RYR1: variants seen among roughly 807,000 people sequenced by gnomAD.
RYR1 encodes the protein central core disease of muscle.
RYR1 carries 342 observed loss-of-function variants against 583.5 expected under a neutral mutation model. The ratio of observed to expected loss-of-function variants is 0.59; its 90% confidence interval spans 0.54 to 0.64. The LOEUF (loss-of-function observed/expected upper bound fraction) is 0.64, where lower values mean the gene tolerates loss of function less well. RYR1 is among the 30% of genes least tolerant of loss of function. The probability of loss-of-function intolerance (pLI) is 0.00; values close to 1 mark genes in which losing one functional copy is unlikely to be tolerated. For synonymous variants in RYR1, 2,791 were observed against 2,822.5 expected, an observed-to-expected ratio of 0.99 and a Z score of 0.35; for missense variants, 6,032 against 6,917.2, an observed-to-expected ratio of 0.87 and a Z score of 4.54.
intron 90 of RYR1, among the ~76,000 whole-genome samples, chr19:38,564,017 A>G (rs1266453893): frequency 1.3e-5 from 2 of 152,228 alleles, no homozygotes; most frequent in African/African-American, 2.4e-5. Context: ...TTATTGAAGC[A>G]TTTACAGGAG....
chr19:38,528,312 C>G lies in RYR1; in HGVS notation c.10831C>G (p.His3611Asp). The G allele has an allele frequency of 3.1e-6, 5 of 1,614,058 alleles. No individual in the cohort carries two copies. The highest frequency in any genetic ancestry group is 4.2e-6 in the Non-Finnish European group (5 of 1,179,950). ...AVLYYLDQTEHPYKSKKAVWH... is the reference protein window; with the variant it reads ...AVLYYLDQTEDPYKSKKAVWH... ...CCTGCTATCCCCTCCCCAGACCGAG[C>G]ACCCTTACAAGTCTAAGAAGGCCGT... The change falls in exon 74 of 106, where the codon CAC becomes GAC. Residue 3611 changes from histidine (H) to aspartate (D), a missense_variant. His to Asp is a moderately conservative substitution (Grantham distance 81, BLOSUM62 -1). Around this residue, in one of 11 missense-constraint regions of RYR1, gnomAD observed 1,493 missense variants for 1,715.5 expected, o/e 0.87. Coordinates refer to ENST00000359596, the MANE Select transcript of RYR1 (RefSeq NM_000540.3).
At chr19:38,462,541 T>C (rs1413599357) in intron 20 of RYR1, among the ~76,000 whole-genome samples, 1 of 151,286 alleles carries the variant, frequency 6.6e-6, no homozygotes, top group Non-Finnish European at 1.5e-5. Context: ...GTCCAAACCA[T>C]CATTGCCTCT....
rs778400894 is a variant in RYR1, at chr19:38,466,210, G to A, written c.2990G>A (p.Arg997Gln). 22 of 1,613,312 alleles carry A rather than the reference G, an allele frequency of 1.4e-5. No individual in the cohort carries two copies. The highest frequency in any genetic ancestry group is 1.3e-4 in the East Asian group (6 of 44,888). ...LAENGHNVWA[R>Q]DRVGQGWSYS... The stretch of plus-strand genomic sequence containing the variant: ...GAAAATGGGCACAACGTGTGGGCCC[G>A]AGACCGCGTGGGCCAGGGCTGGAGC... The change falls in exon 24 of 106, where the codon CGA (arginine) becomes CAA (glutamine). Residue 997 changes from arginine (R) to glutamine (Q), a missense_variant. By Grantham distance (43) the Arg-to-Gln change is conservative. This residue lies in a region of RYR1 where 2,627 missense variants were observed against 2,961.3 expected (regional missense o/e 0.89). Transcript: ENST00000359596.
At position 38,565,137 on chromosome 19, in the gene RYR1, CGGAGGCGGGCGCGGAAGGCGCGGA is replaced by C. The variant is rs1428548083; in HGVS notation, c.12809_12832del (p.Ala4270_Glu4277del). The C allele has an allele frequency of 6.6e-7, 1 of 1,524,730 alleles. No individual in the cohort carries two copies. The highest frequency in any genetic ancestry group is 8.8e-7 in the Non-Finnish European group (1 of 1,139,890). 94.5% of individuals were successfully genotyped at this position (1,524,730 alleles called of 1,614,324 possible). On this transcript the variant is annotated inframe_deletion, in exon 91 of 106. Transcript: ENST00000359596. The surrounding 1 kb of genome is among the most constrained non-coding windows in gnomAD (Gnocchi z 4.7). ...GACGAGGACGAGGGCGCGGGCGCGG[CGGAGGCGGGCGCGGAAGGCGCGGA>C]GGAGGGCGCGGCGGGGCTCGAGGGC...
chr19:38,587,562 G>A lies in RYR1; in HGVS notation c.*142G>A. 1 of 771,158 alleles carries A rather than the reference G, an allele frequency of 1.3e-6. No individual in the cohort carries two copies. Among genetic ancestry groups the A allele is most frequent in the Non-Finnish European group, 2.2e-6 (1 of 444,764 alleles). 47.8% of individuals were successfully genotyped at this position (771,158 alleles called of 1,614,324 possible). A position where few individuals can be genotyped will look rare whatever the true frequency, so the allele number is the denominator to read the frequency against. On this transcript the variant is annotated 3_prime_UTR_variant, in exon 106 of 106. Coordinates refer to ENST00000359596, the MANE Select transcript of RYR1 (RefSeq NM_000540.3). Reference sequence around the variant, plus strand: ...AAATAAATCTGTGCTACGCCCCCCAGCATCACTGTGTTGGCCTGCTGAAAT... The same window carrying A: ...AAATAAATCTGTGCTACGCCCCCCAACATCACTGTGTTGGCCTGCTGAAAT...
intron 56 of RYR1, 65 bp from the exon 57 acceptor site, chr19:38,506,764 A>T: frequency 6.2e-7 from 1 of 1,610,522 alleles, no homozygotes; most frequent in Non-Finnish European, 8.5e-7. Flanking sequence ...CACTGCAGGA[A>T]CCACTTCAGT....
Position 38,536,786 on chromosome 19 carries a change from C to A in RYR1, c.11608+19C>A. The A allele has an allele frequency of 6.2e-7, 1 of 1,613,656 alleles. No homozygotes were observed. The highest frequency in any genetic ancestry group is 2.2e-5 in the East Asian group (1 of 44,868). ...CAGAACGGTAATTCCCCCAGCCCACCCCCGTGCTGTGCTGCTGTCACCCAC... is the reference window on the plus strand; with the variant it reads ...CAGAACGGTAATTCCCCCAGCCCACACCCGTGCTGTGCTGCTGTCACCCAC... On this transcript the variant is annotated intron_variant, in intron 83 of 105. Coordinates refer to ENST00000359596, the MANE Select transcript of RYR1 (RefSeq NM_000540.3).
intron 63 of RYR1, among the ~76,000 whole-genome samples, chr19:38,514,166 G>C (rs759023014): frequency 6.6e-6 from 1 of 151,428 alleles, no homozygotes; most frequent in East Asian, 1.9e-4. Flanking sequence ...ACAGTGGCTC[G>C]CACCTGTAAT....
At chr19:38,557,880 T>C (rs940483153) in intron 89 of RYR1, among the ~76,000 whole-genome samples, 1 of 151,750 alleles carries the variant, frequency 6.6e-6, no homozygotes, top group African/African-American at 2.4e-5. Flanking sequence ...CTCGGGAGGC[T>C]GAGGCAGGAG....
At chr19:38,507,127 T>G (rs1177325841) in intron 57 of RYR1, among the ~76,000 whole-genome samples, 175 bp downstream of exon 57, 9 of 117,612 alleles carry the variant, frequency 7.7e-5, no homozygotes, top group African/African-American at 2.1e-4. Context: ...CGGGGCCAGA[T>G]GGGGAGGAGT....
At chr19:38,528,222 G>T in intron 73 of RYR1, 84 bp from the exon 74 acceptor site, 2 of 1,153,150 alleles carry the variant, frequency 1.7e-6, no homozygotes, top group South Asian at 1.3e-5. Context: ...TATGGACTTC[G>T]ACACAGCTGG....
Position 38,488,076 on chromosome 19 carries a change from C to T in RYR1, c.5548-1101C>T, listed in dbSNP as rs558263067. Among the ~76,000 whole-genome samples the T allele has an allele frequency of 2.5e-4, 38 of 152,072 alleles. 1 individual carries two copies. In the South Asian group the frequency reaches 4.8e-3, roughly 19 times the overall value. On this transcript the variant is annotated intron_variant, in intron 34 of 105. Transcript: ENST00000359596. ...AAGTGGTCATCTTGCCTCAGCCTCC[C>T]GAAGTACTGTGATTACAGGTGTGAG...
At position 38,444,656 on chromosome 19, in the gene RYR1, A is replaced by C; in HGVS notation, c.610A>C (p.Ile204Leu). The change falls in exon 7 of 106, where the codon ATC becomes CTC. Residue 204 changes from isoleucine (I) to leucine (L), a missense_variant. By Grantham distance (5) the Ile-to-Leu change is conservative (BLOSUM62 2). This residue lies in a region of RYR1 where 338 missense variants were observed against 441.6 expected (regional missense o/e 0.77). Coordinates refer to ENST00000359596, the MANE Select transcript of RYR1 (RefSeq NM_000540.3). The surrounding 1 kb of genome is among the most constrained non-coding windows in gnomAD (Gnocchi z 5.1). ...FMQTLWNMNP[I>L]CSRCEEGFVT... ...GCAGACACTATGGAACATGAACCCC[A>C]TCTGCTCCCGCTGCGAAGAGGGTGA... 1 of 1,613,738 alleles carries C rather than the reference A, an allele frequency of 6.2e-7. No individual in the cohort carries two copies. Among genetic ancestry groups the C allele is most frequent in the Non-Finnish European group, 8.5e-7 (1 of 1,179,860 alleles).
chr19:38,486,275 C>G (rs1359774957), intron 34 of RYR1, 73 bp downstream of exon 34: 1 of 1,560,656 alleles, frequency 6.4e-7, no homozygotes, highest in Non-Finnish European at 8.8e-7. Flanking sequence ...ATACATGCAT[C>G]AATCCTCCTC....
rs746798861 is a variant in RYR1 at position 38,565,415 on chromosome 19, T to A, written c.13081T>A (p.Ser4361Thr). Residue 4361 changes from serine (S) to threonine (T), a missense_variant, in exon 91 of 106, where the codon TCG becomes ACG. Physicochemically the swap from Ser to Thr is moderately conservative, Grantham distance 58 (BLOSUM62 1). Around this residue, in one of 11 missense-constraint regions of RYR1, gnomAD observed 753 missense variants for 759.6 expected, o/e 0.99. Coordinates refer to ENST00000359596, the MANE Select transcript of RYR1 (RefSeq NM_000540.3). This position sits in a 1 kb window ranked among gnomAD's most constrained non-coding sequence, Gnocchi z 4.7. ...GGGCGCGCTGGGCCTGCTCTGGGGC[T>A]CGCTGTTCGGCGGCGGCCTGGTGGA... ...AAGALGLLWGSLFGGGLVEGA... is the reference protein window; with the variant it reads ...AAGALGLLWGTLFGGGLVEGA... The A allele has an allele frequency of 1.9e-5, 28 of 1,482,772 alleles. No homozygotes were observed. In the South Asian group the frequency reaches 3.0e-4, roughly 16 times the overall value. 91.9% of individuals were successfully genotyped at this position (1,482,772 alleles called of 1,614,324 possible).
At chr19:38,489,479 A>C (rs1969456041) in intron 35 of RYR1, 36 bp downstream of exon 35, 1 of 1,613,330 alleles carries the variant, frequency 6.2e-7, no homozygotes. Flanking sequence ...GCCTCTGTCC[A>C]TCTGGGCTGG....
At position 38,561,585 on chromosome 19, in the gene RYR1, G is replaced by A. The variant is rs970474308; in HGVS notation, c.12624+131G>A. The A allele has an allele frequency of 2.3e-6, 2 of 885,436 alleles. No individual in the cohort carries two copies. Among genetic ancestry groups the A allele is most frequent in the East Asian group, 5.3e-5 (2 of 37,790 alleles). The allele number at this position is 885,436 out of a possible 1,614,324, so 54.8% of individuals were successfully genotyped here. On this transcript the variant is annotated intron_variant, in intron 90 of 105. Coordinates refer to ENST00000359596, the MANE Select transcript of RYR1 (RefSeq NM_000540.3). This position sits in a 1 kb window ranked among gnomAD's most constrained non-coding sequence, Gnocchi z 4.8. The stretch of plus-strand genomic sequence containing the variant: ...ATCTGCCCTGCTCCGGCAAGCCCAC[G>A]CCCACCCTTTTGTACACATTTCGTC...
At chr19:38,510,216 G>T (rs1359859633) in intron 58 of RYR1, among the ~76,000 whole-genome samples, 1 of 152,158 alleles carries the variant, frequency 6.6e-6, no homozygotes, top group Non-Finnish European at 1.5e-5. Context: ...AGCTACTTGG[G>T]AGGCTGAGTC....
intron 83 of RYR1, 113 bp downstream of exon 83, chr19:38,536,880 C>T: frequency 8.5e-7 from 1 of 1,180,494 alleles, no homozygotes; most frequent in African/African-American, 1.5e-5. Flanking sequence ...AGGGAGGGAC[C>T]CTTCAGCAGG....
Sources: gnomAD v4.1 joint callset for allele counts (sites outside exome capture counted in the v4.1 genomes callset) on GRCh38, gnomAD v4.1.1 for gene constraint, gnomAD v4.1.1 regional missense constraint, Gnocchi (gnomAD v3.1) non-coding constraint, MANE v1.5 for transcripts, NCBI Gene and HGNC (gene_info 2026-07-23, HGNC 2026-07-21) for gene names.